Variants in LNX2 observed in about 807,000 individuals in gnomAD.
LNX2 encodes ligand of numb-protein X 2, also known as ligand of Numb protein X 2.
LNX2 carries 35 observed loss-of-function variants against 66.2 expected under a neutral mutation model. The ratio of observed to expected loss-of-function variants is 0.53; its 90% CI spans 0.40 to 0.70. LNX2 has a LOEUF of 0.70. LNX2 is among the 30% of genes least tolerant of loss of function. The pLI is 0.00. For synonymous variants in LNX2, 337 were observed against 315.6 expected (o/e 1.07, Z -0.72); for missense variants, 791 against 850.8 (o/e 0.93, Z 0.87).
At chr13:27,578,013 ATTC>A (rs1955358837) in intron 2 of LNX2, among the ~76,000 whole-genome samples, 1 of 151,976 alleles carries the variant, frequency 6.6e-6, no homozygotes, top group South Asian at 2.1e-4. Flanking sequence ...GTCTCTTAAA[ATTC>A]TTCATTTCAC....
At chr13:27,617,227 C>T (rs542957690) in intron 1 of LNX2, among the ~76,000 whole-genome samples, 3 of 152,298 alleles carry the variant, frequency 2.0e-5, no homozygotes, top group African/African-American at 7.2e-5. Context: ...CTCTCAGGCC[C>T]TCCTACAGGG....
Position 27,546,862 on chromosome 13 carries a change from A to G in LNX2, c.*1473T>C, listed in dbSNP as rs1405715110. Reference sequence around the variant, plus strand: ...ATTCACTTATTTATGTGTTCAGAGGATAAGTATGTTGAATAAAGGACAAAA... The same window carrying G: ...ATTCACTTATTTATGTGTTCAGAGGGTAAGTATGTTGAATAAAGGACAAAA... On this transcript the variant is annotated 3_prime_UTR_variant, in exon 10 of 10. Coordinates refer to ENST00000316334, the MANE Select transcript of LNX2 (RefSeq NM_153371.4). 6.6e-6 allele frequency: 1 copy of G among 152,188 alleles called. No individual in the cohort carries two copies. Among genetic ancestry groups the G allele is most frequent in the Non-Finnish European group, 1.5e-5 (1 of 68,004 alleles). The allele number at this position is 152,188 out of a possible 1,614,324, so 9.4% of individuals were successfully genotyped here. A position where few individuals can be genotyped will look rare whatever the true frequency, so the allele number is the denominator to read the frequency against.
intron 2 of LNX2, among the ~76,000 whole-genome samples, chr13:27,571,623 A>ATAAAGTGAATTTATT: frequency 6.6e-6 from 1 of 152,300 alleles, no homozygotes; most frequent in African/African-American, 2.4e-5. Context: ...CACACTTTAA[A>ATAAAGTGAATTTATT]TAAAGTGAAT....
chr13:27,577,524 C>G (rs1446200720), intron 2 of LNX2, among the ~76,000 whole-genome samples: 1 of 151,992 alleles, frequency 6.6e-6, no homozygotes, highest in Non-Finnish European at 1.5e-5. Flanking sequence ...ATAAAATACA[C>G]TAACATCAAT....
intron 1 of LNX2, among the ~76,000 whole-genome samples, chr13:27,615,789 A>G (rs192047034): frequency 2.6e-5 from 4 of 152,350 alleles, no homozygotes; most frequent in Admixed American, 2.6e-4. Flanking sequence ...CTATATTCCT[A>G]TAAGAACAGG....
chr13:27,556,153 C>T, intron 7 of LNX2, 83 bp downstream of exon 7: 1 of 1,317,096 alleles, frequency 7.6e-7, no homozygotes, highest in Non-Finnish European at 1.1e-6. Context: ...TTAATAGATA[C>T]TTTGTAGATA....
In LNX2 at chr13:27,569,026, T is replaced by C; in HGVS notation, c.655+3A>G. ...AATACACAAGGAGTTGCACCACACA[T>C]ACTGTCAGCTCCAGCGCTCTCCTCA... On this transcript the variant is annotated splice_donor_region_variant and intron_variant, in intron 3 of 9. Transcript: ENST00000316334. 2.5e-6 allele frequency: 4 copies of C among 1,611,676 alleles called. No individual in the cohort carries two copies. The highest frequency in any genetic ancestry group is 2.5e-6 in the Non-Finnish European group (3 of 1,179,062).
In LNX2 at chr13:27,589,981, G is replaced by A. The variant is rs565200418; in HGVS notation, c.-100-8178C>T. On this transcript the variant is annotated intron_variant, in intron 1 of 9. Transcript: ENST00000316334. ...TTTTATTTTTTTGAGACGGAGTCTC[G>A]CTCTGTCACCCAGGCTGGAGTGCAG... 1.5e-4 allele frequency among the ~76,000 whole-genome samples: 23 copies of A among 152,206 alleles called. No individual in the cohort carries two copies. In the South Asian group the frequency reaches 3.9e-3, roughly 26 times the overall value.
At chr13:27,616,763 T>C (rs973845306) in intron 1 of LNX2, among the ~76,000 whole-genome samples, 2 of 152,220 alleles carry the variant, frequency 1.3e-5, no homozygotes, top group African/African-American at 4.8e-5. Flanking sequence ...AAAAATTCCT[T>C]TTTTGAGATG....
intron 5 of LNX2, 99 bp downstream of exon 5, chr13:27,562,314 A>C: frequency 7.1e-7 from 1 of 1,410,706 alleles, no homozygotes; most frequent in South Asian, 1.4e-5. Context: ...ATGAAATATA[A>C]AATGTCCCCT....
intron 1 of LNX2, among the ~76,000 whole-genome samples, chr13:27,588,011 A>C: frequency 7.8e-6 from 1 of 127,536 alleles, no homozygotes; most frequent in African/African-American, 3.1e-5. Flanking sequence ...AGAGTGCGAG[A>C]CTCTTGTCAC....
intron 6 of LNX2, among the ~76,000 whole-genome samples, chr13:27,557,884 A>C (rs1397778839): frequency 1.3e-5 from 2 of 152,098 alleles, no homozygotes; most frequent in Non-Finnish European, 2.9e-5. Flanking sequence ...TTAGACAAAC[A>C]CAACTTTATT....
chr13:27,547,406 T>C lies in LNX2; in HGVS notation c.*929A>G, dbSNP rs977060179. 3.3e-5 allele frequency: 5 copies of C among 152,200 alleles called. No individual in the cohort carries two copies. The highest frequency in any genetic ancestry group is 1.2e-4 in the African/African-American group (5 of 41,438). 9.4% of individuals were successfully genotyped at this position (152,200 alleles called of 1,614,324 possible). On this transcript the variant is annotated 3_prime_UTR_variant, in exon 10 of 10. Transcript: ENST00000316334. ...CTTTGTAACTGGATAACATTATCTT[T>C]TATCCTCTACTATTCTAATAATAGT...
chr13:27,574,381 C>A (rs994265404), intron 2 of LNX2, among the ~76,000 whole-genome samples: 3 of 152,120 alleles, frequency 2.0e-5, no homozygotes, highest in Non-Finnish European at 4.4e-5. Context: ...CATTGCACTC[C>A]AGCCTGGGGA....
intron 6 of LNX2, 124 bp downstream of exon 6, chr13:27,559,718 C>CT (rs888369585): frequency 1.0e-4 from 94 of 917,720 alleles, no homozygotes; most frequent in African/African-American, 2.9e-4. Context: ...TCATTTGAAT[C>CT]TTTTTTTTAA....
intron 4 of LNX2, among the ~76,000 whole-genome samples, chr13:27,567,186 T>G (rs1285206829): frequency 6.6e-6 from 1 of 152,074 alleles, no homozygotes; most frequent in African/African-American, 2.4e-5. Context: ...AAATTATGAG[T>G]GCTGCATGGT....
intron 7 of LNX2, among the ~76,000 whole-genome samples, chr13:27,554,944 T>C (rs887975643): frequency 7.9e-5 from 12 of 152,192 alleles, no homozygotes; most frequent in African/African-American, 2.9e-4. Flanking sequence ...TGAAGTAGTA[T>C]CTTACTGTGG....
intron 1 of LNX2, among the ~76,000 whole-genome samples, chr13:27,608,082 C>CA (rs1955736783): frequency 6.6e-6 from 1 of 152,174 alleles, no homozygotes; most frequent in African/African-American, 2.4e-5. Flanking sequence ...ATAGTCTCAC[C>CA]ATGTAGAACA....
At chr13:27,585,508 T>C (rs1351325575) in intron 1 of LNX2, among the ~76,000 whole-genome samples, 3 of 151,886 alleles carry the variant, frequency 2.0e-5, no homozygotes, top group Non-Finnish European at 4.4e-5. Context: ...CTCCTATCAA[T>C]ACCAACATCA....
Sources: gnomAD v4.1 joint callset for allele counts (sites outside exome capture counted in the v4.1 genomes callset) on GRCh38, gnomAD v4.1.1 for gene constraint, MANE v1.5 for transcripts, NCBI Gene and HGNC (gene_info 2026-07-23, HGNC 2026-07-21) for gene names.